The following SLX9 variants were observed in gnomAD, a reference collection of about 807,000 sequenced individuals.
SLX9 encodes ribosome biogenesis protein SLX9 homolog.
SLX9 carries 19 observed loss-of-function variants against 20.8 expected under a neutral mutation model. The ratio of observed to expected loss-of-function variants is 0.91; its 90% CI spans 0.64 to 1.34. The LOEUF (loss-of-function observed/expected upper bound fraction) is 1.34. Among genes scored for constraint, SLX9 ranks in the 40% most tolerant of loss-of-function variants. The pLI, the probability that SLX9 is intolerant of heterozygous loss-of-function variation, is 0.00. For synonymous variants in SLX9, 113 were observed against 137.1 expected, an observed-to-expected ratio of 0.82 and a Z score of 1.23; for missense variants, 299 against 322.2, an observed-to-expected ratio of 0.93 and a Z score of 0.55.
At chr21:44,942,709 G>A (rs1169072046) in intron 1 of SLX9, among the ~76,000 whole-genome samples, 2 of 152,218 alleles carry the variant, frequency 1.3e-5, no homozygotes, top group Admixed American at 6.5e-5. Context: ...ACAAGGAAGT[G>A]GGAGAACTTT....
intron 2 of SLX9, among the ~76,000 whole-genome samples, chr21:44,955,278 C>T (rs1015616641): frequency 2.6e-4 from 39 of 152,166 alleles, no homozygotes; most frequent in African/African-American, 8.7e-4. Context: ...CTTCCCCACT[C>T]CTAGTCCCCT....
At chr21:44,947,183 G>T (rs901491761) in intron 2 of SLX9, among the ~76,000 whole-genome samples, 3 of 152,200 alleles carry the variant, frequency 2.0e-5, no homozygotes, top group African/African-American at 7.2e-5. Flanking sequence ...CCCCGGGTTT[G>T]TGCTGGGGCC....
rs187004649 is a variant in SLX9 at position 44,957,205 on chromosome 21, G to A, written c.284-2895G>A. Among the ~76,000 whole-genome samples the A allele has an allele frequency of 3.1e-4, 47 of 152,334 alleles. No individual in the cohort carries two copies. The East Asian group carries it at 8.3e-3, about 27-fold the overall frequency. Reference sequence around the variant, plus strand: ...AGAGCTCTGTGATGAGTCAGCTCAGGGCAGGTTTCTAGTCACTCCCCAAGG... The same window carrying A: ...AGAGCTCTGTGATGAGTCAGCTCAGAGCAGGTTTCTAGTCACTCCCCAAGG... On this transcript the variant is annotated intron_variant, in intron 2 of 5. Transcript: ENST00000291634.
chr21:44,947,756 G>A (rs761981347), intron 2 of SLX9, among the ~76,000 whole-genome samples: 32 of 152,130 alleles, frequency 2.1e-4, no homozygotes, highest in Admixed American at 9.2e-4. Context: ...CTCCTGCTAC[G>A]GGAGGAGGAG....
At chr21:44,951,927 G>A (rs887903175) in intron 2 of SLX9, among the ~76,000 whole-genome samples, 137 of 131,744 alleles carry the variant, frequency 1.0e-3, no homozygotes, top group Non-Finnish European at 1.5e-5. Flanking sequence ...CCAGGCGGGT[G>A]TGGGCTGCAC....
At chr21:44,966,099 C>A (rs544342938) in intron 3 of SLX9, among the ~76,000 whole-genome samples, 1 of 152,214 alleles carries the variant, frequency 6.6e-6, no homozygotes, top group South Asian at 2.1e-4. Flanking sequence ...GGTAAACACA[C>A]CCTGCTACAG....
intron 3 of SLX9, among the ~76,000 whole-genome samples, chr21:44,965,908 G>C (rs1056748978): frequency 6.6e-6 from 1 of 152,190 alleles, no homozygotes; most frequent in Non-Finnish European, 1.5e-5. Flanking sequence ...GCCGAGTAAC[G>C]TGTCTACCAC....
chr21:44,943,433 G>A (rs531464523), intron 1 of SLX9, among the ~76,000 whole-genome samples: 45 of 152,306 alleles, frequency 3.0e-4, no homozygotes, highest in Admixed American at 1.0e-3. Context: ...GAAGAACCAG[G>A]AGTGAAGCCC....
chr21:44,959,136 A>G, intron 2 of SLX9: 2 of 893,872 alleles, frequency 2.2e-6, no homozygotes, highest in Non-Finnish European at 2.7e-6. Flanking sequence ...GAGGTTTCAC[A>G]CCGGCTCCTG....
chr21:44,976,256 T>C (rs567754993), intron 5 of SLX9, among the ~76,000 whole-genome samples: 5 of 151,920 alleles, frequency 3.3e-5, no homozygotes, highest in African/African-American at 1.2e-4. Context: ...CCCACTCTGC[T>C]GCAGGCCTCT....
intron 2 of SLX9, among the ~76,000 whole-genome samples, chr21:44,950,498 CG>C (rs1451749977): frequency 1.3e-5 from 2 of 152,210 alleles, no homozygotes; most frequent in African/African-American, 4.8e-5. Context: ...TTCTTACCTG[CG>C]CTCCTGCAGA....
intron 3 of SLX9, among the ~76,000 whole-genome samples, chr21:44,961,121 A>G (rs1414436851): frequency 6.6e-6 from 1 of 152,174 alleles, no homozygotes; most frequent in Non-Finnish European, 1.5e-5. Flanking sequence ...CACAGTTCCT[A>G]GCATAGCTGT....
chr21:44,975,161 G>A (rs548216017), intron 5 of SLX9, among the ~76,000 whole-genome samples: 1 of 152,252 alleles, frequency 6.6e-6, no homozygotes, highest in Non-Finnish European at 1.5e-5. Flanking sequence ...TCAGGTGTTT[G>A]AGTGGCTTGG....
intron 2 of SLX9, among the ~76,000 whole-genome samples, chr21:44,951,062 G>A (rs139167947): frequency 1.2e-3 from 179 of 152,224 alleles, no homozygotes; most frequent in Middle Eastern, 6.8e-3. Flanking sequence ...GATTAAAGTC[G>A]CCGGTTTGAT....
chr21:44,949,248 C>A (rs1464657492), intron 2 of SLX9, among the ~76,000 whole-genome samples: 8 of 152,174 alleles, frequency 5.3e-5, no homozygotes, highest in African/African-American at 1.9e-4. Context: ...CTGGCTCCCC[C>A]TCGCACGGTT....
intron 1 of SLX9, among the ~76,000 whole-genome samples, chr21:44,941,207 C>T (rs1472927428): frequency 1.3e-5 from 2 of 152,188 alleles, no homozygotes; most frequent in African/African-American, 4.8e-5. Context: ...ATAATGCCTA[C>T]TCTGAATTCT....
intron 3 of SLX9, among the ~76,000 whole-genome samples, chr21:44,962,035 G>A (rs1340968325): frequency 6.6e-6 from 1 of 152,196 alleles, no homozygotes; most frequent in Admixed American, 6.5e-5. Context: ...TTACATAACC[G>A]TTCATCTAGC....
chr21:44,971,125 C>T (rs2085137148), intron 4 of SLX9, among the ~76,000 whole-genome samples: 1 of 151,896 alleles, frequency 6.6e-6, no homozygotes, highest in Non-Finnish European at 1.5e-5. Flanking sequence ...GGGGACCCCC[C>T]ATGCTGTGGA....
At chr21:44,950,418 C>T (rs1371278332) in intron 2 of SLX9, among the ~76,000 whole-genome samples, 2 of 152,222 alleles carry the variant, frequency 1.3e-5, no homozygotes, top group Non-Finnish European at 2.9e-5. Context: ...CAGATGGCCT[C>T]GGCTTGGCCG....
Sources: allele counts gnomAD v4.1 joint callset (sites outside exome capture counted in the v4.1 genomes callset), GRCh38; gene constraint gnomAD v4.1.1; transcripts MANE v1.5; gene names NCBI Gene and HGNC (gene_info 2026-07-23, HGNC 2026-07-21).